SLC4A10: variants seen among roughly 807,000 people sequenced by gnomAD.
SLC4A10 encodes the protein sodium-driven chloride bicarbonate exchanger.
In SLC4A10, 42 loss-of-function variants were observed where a neutral mutation model predicts 137.7. That is an observed-to-expected ratio of 0.30 (90% CI 0.24 to 0.39). The LOEUF is 0.39. Among genes scored for constraint, SLC4A10 ranks in the 10% least tolerant of loss-of-function variants. The pLI, the probability that SLC4A10 is intolerant of heterozygous loss-of-function variation, is 1.00. For missense variants in SLC4A10, 925 were observed against 1,355.0 expected (o/e 0.68, Z 4.98); for synonymous variants, 474 against 464.1 (o/e 1.02, Z -0.27).
intron 1 of SLC4A10, among the ~76,000 whole-genome samples, chr2:161,754,726 A>G (rs956911935): frequency 3.9e-5 from 6 of 152,194 alleles, no homozygotes; most frequent in African/African-American, 1.4e-4. Flanking sequence ...TGCATTTGAA[A>G]GTATTATTTT....
chr2:161,649,782 C>G (rs941896980), intron 1 of SLC4A10, among the ~76,000 whole-genome samples: 1 of 102,218 alleles, frequency 9.8e-6, no homozygotes, highest in Non-Finnish European at 2.0e-5. Context: ...TTTTTTGGTC[C>G]TTAGGCCTAA....
At position 161,875,102 on chromosome 2, in the gene SLC4A10, C is replaced by A. The variant is rs562298540; in HGVS notation, c.948+1097C>A. Among the ~76,000 whole-genome samples the A allele has an allele frequency of 2.3e-4, 35 of 152,154 alleles. No homozygotes were observed. The South Asian group carries it at 6.9e-3, about 30-fold the overall frequency. On this transcript the variant is annotated intron_variant, in intron 8 of 26. Coordinates refer to ENST00000446997, the MANE Select transcript of SLC4A10 (RefSeq NM_001178015.2). ...TTCAAGATTCAAAATAATGTAAGCC[C>A]AGTTTTGGAATTTAAAAAAGACTAA...
At chr2:161,776,369 T>C (rs952691956) in intron 2 of SLC4A10, among the ~76,000 whole-genome samples, 40 of 152,068 alleles carry the variant, frequency 2.6e-4, no homozygotes, top group Admixed American at 7.2e-4. Flanking sequence ...CCTTTTCTTC[T>C]GCCCCCAATT....
chr2:161,699,531 T>C (rs1559059333), intron 1 of SLC4A10, among the ~76,000 whole-genome samples: 2 of 152,218 alleles, frequency 1.3e-5, no homozygotes, highest in Non-Finnish European at 2.9e-5. Context: ...AGTTCAAATG[T>C]TGCCAGTGTA....
chr2:161,649,552 C>A (rs149371018), intron 1 of SLC4A10, among the ~76,000 whole-genome samples: 1 of 152,066 alleles, frequency 6.6e-6, no homozygotes, highest in African/African-American at 2.4e-5. Context: ...TAGATTCTGA[C>A]ATTTTGTTTA....
rs1694686602 is a variant in SLC4A10, at chr2:161,950,909, A to T, written c.2541+61A>T. 2.2e-6 allele frequency: 3 copies of T among 1,344,424 alleles called. No individual in the cohort carries two copies. The Admixed American group carries it at 7.2e-5, about 32-fold the overall frequency. The allele number at this position is 1,344,424 out of a possible 1,614,324, so 83.3% of individuals were successfully genotyped here. On this transcript the variant is annotated intron_variant, in intron 19 of 26. Transcript: ENST00000446997. ...TGACAACTGATATCAACTGATGTTC[A>T]TTTGACTTCTATATTCTGTATTCAT...
intron 12 of SLC4A10, chr2:161,902,042 G>A (rs1459368407): frequency 4.4e-6 from 2 of 456,248 alleles, no homozygotes; most frequent in Middle Eastern, 3.3e-4. Flanking sequence ...CCAATATCCG[G>A]TATCTTCGCT....
At chr2:161,749,190 G>A (rs2048695396) in intron 1 of SLC4A10, among the ~76,000 whole-genome samples, 1 of 151,764 alleles carries the variant, frequency 6.6e-6, no homozygotes, top group Admixed American at 6.6e-5. Flanking sequence ...GGATTCTTTA[G>A]GGTTTTTACA....
At chr2:161,857,720 T>G (rs1315018500) in intron 5 of SLC4A10, among the ~76,000 whole-genome samples, 1 of 152,184 alleles carries the variant, frequency 6.6e-6, no homozygotes, top group Non-Finnish European at 1.5e-5. Flanking sequence ...CTTTCCGTTT[T>G]TAAGACTTCT....
chr2:161,928,211 T>C (rs968048330), intron 15 of SLC4A10, among the ~76,000 whole-genome samples: 24 of 149,916 alleles, frequency 1.6e-4, no homozygotes, highest in African/African-American at 5.4e-4. Context: ...GATGAGTTCA[T>C]GTCCTTTGTA....
intron 1 of SLC4A10, among the ~76,000 whole-genome samples, chr2:161,749,467 G>T (rs961431702): frequency 6.6e-6 from 1 of 151,920 alleles, no homozygotes; most frequent in African/African-American, 2.4e-5. Flanking sequence ...ATCATAAAAA[G>T]GATGTTGATT....
intron 1 of SLC4A10, chr2:161,651,083 T>A (rs1022521129): frequency 3.9e-5 from 6 of 152,524 alleles, no homozygotes; most frequent in African/African-American, 1.4e-4. Context: ...CAGCATGCAC[T>A]TCCTCCCTTC....
intron 14 of SLC4A10, 103 bp downstream of exon 14, chr2:161,905,012 A>G (rs2105336826): frequency 6.1e-6 from 7 of 1,152,588 alleles, no homozygotes; most frequent in East Asian, 2.5e-5. Flanking sequence ...TAGAGACAGA[A>G]TTGCCTGATT....
chr2:161,908,908 A>G (rs56325555), intron 15 of SLC4A10, among the ~76,000 whole-genome samples: 1 of 152,016 alleles, frequency 6.6e-6, no homozygotes, highest in Non-Finnish European at 1.5e-5. Flanking sequence ...AAATGATAAG[A>G]TCAAGGGATT....
intron 15 of SLC4A10, among the ~76,000 whole-genome samples, chr2:161,941,617 A>G (rs1485959682): frequency 6.6e-6 from 1 of 152,184 alleles, no homozygotes; most frequent in Admixed American, 6.5e-5. Context: ...GAACCACTCC[A>G]TGTTCAGTGT....
chr2:161,636,514 C>G (rs2034416928), intron 1 of SLC4A10, among the ~76,000 whole-genome samples: 1 of 152,124 alleles, frequency 6.6e-6, no homozygotes, highest in African/African-American at 2.4e-5. Flanking sequence ...CCTGCCTTAT[C>G]TTGCTGAGTA....
chr2:161,964,813 T>A lies in SLC4A10; in HGVS notation c.3037-238T>A, dbSNP rs375600047. Among the ~76,000 whole-genome samples the A allele has an allele frequency of 7.2e-5, 11 of 152,256 alleles. No homozygotes were observed. In the East Asian group the frequency reaches 9.6e-4, roughly 13 times the overall value. ...AATACATTTTATAGGTTTTTTAAAATAGCTTATTTAATAGACTCCCATATT... is the reference window on the plus strand; with the variant it reads ...AATACATTTTATAGGTTTTTTAAAAAAGCTTATTTAATAGACTCCCATATT... On this transcript the variant is annotated intron_variant, in intron 22 of 26. Coordinates refer to ENST00000446997, the MANE Select transcript of SLC4A10 (RefSeq NM_001178015.2).
intron 3 of SLC4A10, among the ~76,000 whole-genome samples, chr2:161,827,962 A>G (rs551040098): frequency 6.2e-4 from 95 of 152,334 alleles, no homozygotes; most frequent in Middle Eastern, 3.4e-3. Context: ...TAATTCTGGC[A>G]GGTAGAAATA....
chr2:161,626,576 G>C (rs978008933), intron 1 of SLC4A10, among the ~76,000 whole-genome samples: 1 of 152,022 alleles, frequency 6.6e-6, no homozygotes, highest in Non-Finnish European at 1.5e-5. Flanking sequence ...TGAATTACTG[G>C]TCCAGTTTTA....
Sources: gnomAD v4.1 joint callset for allele counts (sites outside exome capture counted in the v4.1 genomes callset) on GRCh38, gnomAD v4.1.1 for gene constraint, MANE v1.5 for transcripts, NCBI Gene and HGNC (gene_info 2026-07-23, HGNC 2026-07-21) for gene names.